NAALADL2: variants seen among roughly 807,000 people sequenced by gnomAD.
The protein encoded by NAALADL2 is N-acetylated alpha-linked acidic dipeptidase like 2.
In NAALADL2, 76 loss-of-function variants were observed where a neutral mutation model predicts 87.2. The ratio of observed to expected loss-of-function variants is 0.87; its 90% CI spans 0.72 to 1.05. NAALADL2 has a LOEUF of 1.05. NAALADL2 is among the 50% of genes least tolerant of loss of function. NAALADL2 has a pLI of 0.00. For synonymous variants in NAALADL2, 354 were observed against 331.0 expected, an observed-to-expected ratio of 1.07 and a Z score of -0.75; for missense variants, 1,089 against 945.8, an observed-to-expected ratio of 1.15 and a Z score of -1.99.
intron 5 of NAALADL2, among the ~76,000 whole-genome samples, chr3:175,337,670 C>T (rs1366640094): frequency 3.3e-5 from 5 of 152,146 alleles, no homozygotes; most frequent in African/African-American, 1.2e-4. Context: ...GCATCTCACT[C>T]AGTATTGTTC....
chr3:175,298,278 C>T (rs1756627964), intron 4 of NAALADL2, among the ~76,000 whole-genome samples: 1 of 152,050 alleles, frequency 6.6e-6, no homozygotes, highest in South Asian at 2.1e-4. Flanking sequence ...GATGCGGAAA[C>T]TTGTTTAATT....
intron 3 of NAALADL2, among the ~76,000 whole-genome samples, chr3:174,799,418 A>G (rs1395055131): frequency 1.3e-5 from 2 of 152,068 alleles, no homozygotes; most frequent in Non-Finnish European, 2.9e-5. Flanking sequence ...ATCATAGTGA[A>G]TAAGTCTCAT....
intron 5 of NAALADL2, among the ~76,000 whole-genome samples, chr3:175,387,021 A>G (rs1233745719): frequency 6.6e-6 from 1 of 152,180 alleles, no homozygotes; most frequent in Admixed American, 6.6e-5. Flanking sequence ...AGTTGTTAAG[A>G]TCTATGGAAG....
At position 174,907,934 on chromosome 3, in the gene NAALADL2, T is replaced by G. The variant is rs558285416; in HGVS notation, c.43+48484T>G. Among the ~76,000 whole-genome samples, 11 of 152,144 alleles carry G rather than the reference T, an allele frequency of 7.2e-5. 1 individual carries two copies. The highest frequency in any genetic ancestry group is 2.7e-4 in the African/African-American group (11 of 41,468). Reference sequence around the variant, plus strand: ...AATGAAGATTTAACAACATAATGTGTACTTTAGAAAGTATCAGTTGCTTTC... The same window carrying G: ...AATGAAGATTTAACAACATAATGTGGACTTTAGAAAGTATCAGTTGCTTTC... On this transcript the variant is annotated intron_variant, in intron 1 of 13. Transcript: ENST00000454872.
intron 1 of NAALADL2, among the ~76,000 whole-genome samples, chr3:174,458,925 G>T (rs1165453954): frequency 6.6e-6 from 1 of 151,998 alleles, no homozygotes; most frequent in East Asian, 1.9e-4. Flanking sequence ...TGTTTCCTGG[G>T]GTTACTAACA....
chr3:174,520,813 C>G (rs922283770), intron 1 of NAALADL2, among the ~76,000 whole-genome samples: 2 of 152,058 alleles, frequency 1.3e-5, no homozygotes, highest in East Asian at 3.9e-4. Flanking sequence ...ATGCCACCAA[C>G]AAAGGACTAA....
chr3:175,085,535 G>A (rs1047894797), intron 1 of NAALADL2, among the ~76,000 whole-genome samples: 1 of 152,112 alleles, frequency 6.6e-6, no homozygotes, highest in African/African-American at 2.4e-5. Flanking sequence ...AGAGACCTGA[G>A]TAACTTTATT....
At chr3:175,508,676 C>A (rs1158755582) in intron 9 of NAALADL2, among the ~76,000 whole-genome samples, 2 of 152,142 alleles carry the variant, frequency 1.3e-5, no homozygotes, top group Non-Finnish European at 2.9e-5. Context: ...TAAATACATT[C>A]ATTCTTCTGA....
At chr3:174,950,254 A>G (rs1189386877) in intron 1 of NAALADL2, among the ~76,000 whole-genome samples, 1 of 152,016 alleles carries the variant, frequency 6.6e-6, no homozygotes, top group Non-Finnish European at 1.5e-5. Flanking sequence ...CTGAATATGA[A>G]TTGAGAGTAG....
chr3:174,948,817 G>A (rs1186965932), intron 1 of NAALADL2, among the ~76,000 whole-genome samples: 1 of 152,162 alleles, frequency 6.6e-6, no homozygotes, highest in Non-Finnish European at 1.5e-5. Context: ...TGGACTGTCA[G>A]TTGAAACACT....
intron 3 of NAALADL2, among the ~76,000 whole-genome samples, chr3:174,745,142 AAT>A (rs1352343287): frequency 1.3e-5 from 2 of 152,140 alleles, no homozygotes; most frequent in Admixed American, 6.6e-5. Context: ...CCCTTCAAAA[AAT>A]CAACGAGTCC....
intron 13 of NAALADL2, among the ~76,000 whole-genome samples, chr3:175,802,653 T>TAAG (rs200064025): frequency 3.6e-5 from 2 of 55,252 alleles, no homozygotes; most frequent in African/African-American, 7.7e-4. Context: ...TGGTATAATT[T>TAAG]ATTTTTTTCT....
intron 5 of NAALADL2, among the ~76,000 whole-genome samples, chr3:175,334,011 C>A (rs1437758677): frequency 1.3e-5 from 2 of 152,126 alleles, no homozygotes; most frequent in Non-Finnish European, 2.9e-5. Flanking sequence ...ATTTTGACAT[C>A]TTTGTATGTT....
intron 11 of NAALADL2, among the ~76,000 whole-genome samples, chr3:175,688,449 A>G (rs1582897527): frequency 6.6e-6 from 1 of 152,190 alleles, no homozygotes; most frequent in East Asian, 1.9e-4. Flanking sequence ...AGAGTAGCCA[A>G]TTAAAGCCAC....
At chr3:174,688,879 T>C (rs1728289475) in intron 2 of NAALADL2, among the ~76,000 whole-genome samples, 1 of 152,118 alleles carries the variant, frequency 6.6e-6, no homozygotes, top group Admixed American at 6.6e-5. Context: ...AGAGATGGTA[T>C]TTTGTGGGGC....
intron 2 of NAALADL2, among the ~76,000 whole-genome samples, chr3:175,122,522 G>C (rs749126711): frequency 2.0e-5 from 3 of 151,652 alleles, no homozygotes; most frequent in Non-Finnish European, 4.4e-5. Flanking sequence ...ATAACTTATT[G>C]GCATATCATT....
chr3:175,534,897 CT>C (rs769590618), intron 9 of NAALADL2, among the ~76,000 whole-genome samples: 4 of 150,848 alleles, frequency 2.7e-5, no homozygotes, highest in Non-Finnish European at 5.9e-5. Flanking sequence ...TTTGTTCACA[CT>C]GTTTAAAAAA....
At chr3:175,384,551 C>T (rs965496459) in intron 5 of NAALADL2, among the ~76,000 whole-genome samples, 2 of 151,856 alleles carry the variant, frequency 1.3e-5, no homozygotes, top group Non-Finnish European at 1.5e-5. Flanking sequence ...TAGTCATACA[C>T]TTTAGGCTTA....
At chr3:175,218,264 A>G in intron 2 of NAALADL2, 2 of 268,384 alleles carry the variant, frequency 7.5e-6, no homozygotes, top group South Asian at 7.2e-5. Flanking sequence ...AATGGGTTAT[A>G]TACAAAAGAA....
Sources: gnomAD v4.1 joint callset for allele counts (sites outside exome capture counted in the v4.1 genomes callset) on GRCh38, gnomAD v4.1.1 for gene constraint, MANE v1.5 for transcripts, NCBI Gene and HGNC (gene_info 2026-07-23, HGNC 2026-07-21) for gene names.